The following FREM3 variants were observed in gnomAD, a reference collection of about 807,000 sequenced individuals.
FREM3 encodes FRAS1 related extracellular matrix 3.
In FREM3, 105 loss-of-function variants were observed where a neutral mutation model predicts 129.1. The ratio of observed to expected loss-of-function variants is 0.81; its 90% CI spans 0.69 to 0.96. FREM3 has a LOEUF of 0.96. FREM3 is among the 40% of genes least tolerant of loss of function. The probability of loss-of-function intolerance (pLI) is 0.00; values close to 1 mark genes in which losing one functional copy is unlikely to be tolerated. For missense variants in FREM3, 2,593 were observed against 2,666.3 expected (o/e 0.97, Z 0.61); for synonymous variants, 1,014 against 1,044.9 (o/e 0.97, Z 0.57).
Position 143,698,363 on chromosome 4 carries a change from G to A in FREM3, c.2313C>T (p.Leu771=). ...CCTGGGCTTGGGTAAAGTGCATGAT[G>A]AGTGTGTCTGGTGAATCAGTGAGCA... is the stretch of plus-strand genomic sequence containing the variant. ...EIVLTDSPDT[L]IMHFTQAQVN... is the part of the protein sequence containing the mutation. Residue 771 remains leucine (L), a synonymous_variant, in exon 1 of 8, where the codon CTC becomes CTT. Transcript: ENST00000329798. The A allele has an allele frequency of 6.5e-7, 1 of 1,537,980 alleles. No homozygotes were observed. Among genetic ancestry groups the A allele is most frequent in the Non-Finnish European group, 8.7e-7 (1 of 1,147,074 alleles).
intron 2 of FREM3, among the ~76,000 whole-genome samples, chr4:143,659,089 TTTA>T (rs34321854): frequency 0.53 from 75,135 of 141,276 alleles, 20,669 homozygotes; most frequent in East Asian, 0.7. Flanking sequence ...ATTATTTTTA[TTTA>T]TTATTATTAT....
intron 1 of FREM3, among the ~76,000 whole-genome samples, chr4:143,694,959 G>A (rs1297785435): frequency 6.6e-6 from 1 of 152,154 alleles, no homozygotes; most frequent in Non-Finnish European, 1.5e-5. Context: ...ATGATTAGTA[G>A]TGACACCAAA....
intron 2 of FREM3, among the ~76,000 whole-genome samples, chr4:143,632,437 G>A (rs1005322256): frequency 6.6e-6 from 1 of 152,032 alleles, no homozygotes; most frequent in African/African-American, 2.4e-5. Context: ...GGGAAAACAA[G>A]CACAAAAATA....
intron 7 of FREM3, among the ~76,000 whole-genome samples, chr4:143,583,605 C>T (rs1241091001): frequency 6.6e-6 from 1 of 151,914 alleles, no homozygotes; most frequent in Non-Finnish European, 1.5e-5. Flanking sequence ...AACAGCATAT[C>T]TTTCAGCAGA....
At chr4:143,626,267 C>G (rs982864111) in intron 3 of FREM3, among the ~76,000 whole-genome samples, 6 of 152,094 alleles carry the variant, frequency 3.9e-5, no homozygotes, top group Admixed American at 3.3e-4. Flanking sequence ...TGGACATAAC[C>G]CAAGATGTAG....
intron 5 of FREM3, among the ~76,000 whole-genome samples, chr4:143,617,569 A>G (rs751088104): frequency 4.6e-5 from 7 of 152,226 alleles, no homozygotes; most frequent in African/African-American, 1.7e-4. Context: ...GCGTTTGGCT[A>G]TATATCCAGA....
At chr4:143,676,373 G>T (rs1296871902) in intron 2 of FREM3, among the ~76,000 whole-genome samples, 1 of 152,160 alleles carries the variant, frequency 6.6e-6, no homozygotes. Flanking sequence ...AGTAAATTAG[G>T]TATTGTTAGG....
rs1740570859 is a variant in FREM3 at position 143,696,446 on chromosome 4, C to G, written c.4230G>C (p.Leu1410Phe). 1 of 1,537,634 alleles carries G rather than the reference C, an allele frequency of 6.5e-7. No homozygotes were observed. The highest frequency in any genetic ancestry group is 8.7e-7 in the Non-Finnish European group (1 of 1,147,006). Reference sequence around the variant, plus strand: ...TGGTGACATAGAAGTAGTGGTCTGTCAAAGTGTTAACCCCATCAGTAACAT... The same window carrying G: ...TGGTGACATAGAAGTAGTGGTCTGTGAAAGTGTTAACCCCATCAGTAACAT... Reference protein sequence around the residue: ...KFDVTDGVNTLTDHYFYVTIG... With the variant: ...KFDVTDGVNTFTDHYFYVTIG... The change falls in exon 1 of 8, where the codon TTG (leucine) becomes TTC (phenylalanine). Residue 1410 changes from leucine to phenylalanine, a missense_variant. Coordinates refer to ENST00000329798, the MANE Select transcript of FREM3 (RefSeq NM_001168235.2).
intron 5 of FREM3, among the ~76,000 whole-genome samples, chr4:143,618,394 G>C (rs1738888055): frequency 6.6e-6 from 1 of 151,788 alleles, no homozygotes. Context: ...TCATGTTTGT[G>C]GTTAAAAAAA....
intron 2 of FREM3, among the ~76,000 whole-genome samples, chr4:143,681,465 C>T (rs531140774): frequency 6.6e-6 from 1 of 152,242 alleles, no homozygotes; most frequent in Admixed American, 6.5e-5. Flanking sequence ...GCTTAATTGG[C>T]ACAGTTCAGA....
intron 2 of FREM3, among the ~76,000 whole-genome samples, chr4:143,659,055 C>G (rs1269598170): frequency 6.8e-6 from 1 of 147,006 alleles, no homozygotes; most frequent in Non-Finnish European, 1.5e-5. Context: ...TATGTGCCCC[C>G]ACTTGAATTT....
chr4:143,635,087 A>C (rs1739212039), intron 2 of FREM3, among the ~76,000 whole-genome samples: 1 of 152,186 alleles, frequency 6.6e-6, no homozygotes, highest in African/African-American at 2.4e-5. Flanking sequence ...TATGTAAGTC[A>C]GGGACTTTGT....
At chr4:143,675,394 T>C (rs1350181985) in intron 2 of FREM3, among the ~76,000 whole-genome samples, 3 of 151,748 alleles carry the variant, frequency 2.0e-5, no homozygotes, top group Non-Finnish European at 4.4e-5. Flanking sequence ...TAAAGCAGTG[T>C]GTAGAGGGAA....
chr4:143,590,175 A>G (rs1235553411), intron 6 of FREM3, among the ~76,000 whole-genome samples: 2 of 152,116 alleles, frequency 1.3e-5, no homozygotes, highest in Non-Finnish European at 2.9e-5. Context: ...CAATCATGTC[A>G]TCTGCAAACA....
At position 143,591,205 on chromosome 4, in the gene FREM3, A is replaced by AT. The variant is rs966851662; in HGVS notation, c.6029-5213dup. Among the ~76,000 whole-genome samples the AT allele has an allele frequency of 2.0e-5, 3 of 151,960 alleles. No homozygotes were observed. In the South Asian group the frequency reaches 6.2e-4, roughly 32 times the overall value. On this transcript the variant is annotated intron_variant, in intron 6 of 7. Transcript: ENST00000329798. ...AAAAAACCAGCTCCTGGATTCATTG[A>AT]TTTTTTTGAAGGGTTTTTTGTGTCT...
chr4:143,626,915 A>G (rs969080128), intron 3 of FREM3, among the ~76,000 whole-genome samples: 2 of 152,172 alleles, frequency 1.3e-5, no homozygotes, highest in African/African-American at 2.4e-5. Context: ...AGACAATATA[A>G]CCCTATCTGT....
At position 143,698,547 on chromosome 4, in the gene FREM3, G is replaced by A. The variant is rs1177600302; in HGVS notation, c.2129C>T (p.Thr710Ile). The change falls in exon 1 of 8, where the codon ACA (threonine) becomes ATA (isoleucine). Residue 710 changes from threonine to isoleucine, a missense_variant. Thr to Ile is a moderately conservative substitution (Grantham distance 89). Transcript: ENST00000329798. ...ILSPQLYPGT[T>I]LEMTVQEYQL... ...GTATTCTTGTACAGTCATTTCTAGT[G>A]TAGTTCCTGGATACAGCTGTGGACT... 3 of 1,537,696 alleles carry A rather than the reference G, an allele frequency of 2.0e-6. No individual in the cohort carries two copies. Among genetic ancestry groups the A allele is most frequent in the Non-Finnish European group, 2.6e-6 (3 of 1,147,010 alleles).
intron 2 of FREM3, chr4:143,645,192 T>C (rs1415175545): frequency 6.6e-6 from 1 of 152,064 alleles, no homozygotes; most frequent in Non-Finnish European, 1.5e-5. Context: ...GTTTTGCTAG[T>C]GTGGGGCGAA....
chr4:143,620,726 T>G (rs1010086696), intron 5 of FREM3, among the ~76,000 whole-genome samples: 6 of 152,260 alleles, frequency 3.9e-5, no homozygotes, highest in African/African-American at 1.4e-4. Context: ...TAAACTCTTT[T>G]GACACAAGAT....
Sources: gnomAD v4.1 joint callset for allele counts (sites outside exome capture counted in the v4.1 genomes callset) on GRCh38, gnomAD v4.1.1 for gene constraint, MANE v1.5 for transcripts, NCBI Gene and HGNC (gene_info 2026-07-23, HGNC 2026-07-21) for gene names.